TMEM108: variants seen among roughly 807,000 people sequenced by gnomAD.
TMEM108 encodes the protein transmembrane protein 108, also known as cancer/testis antigen 124.
Under a neutral mutation model 35.1 loss-of-function variants are expected in TMEM108, and 12 were observed. The ratio of observed to expected loss-of-function variants is 0.34; its 90% CI spans 0.22 to 0.55. TMEM108 has a LOEUF of 0.55. Ranked by LOEUF, TMEM108 falls within the 20% of genes least tolerant of loss-of-function variation. TMEM108 has a pLI of 0.89. For missense variants in TMEM108, 680 were observed against 753.3 expected, an observed-to-expected ratio of 0.90 and a Z score of 1.14; for synonymous variants, 287 against 308.6, an observed-to-expected ratio of 0.93 and a Z score of 0.73.
At chr3:133,185,784 C>CTT (rs11309146) in intron 2 of TMEM108, among the ~76,000 whole-genome samples, 2 of 127,092 alleles carry the variant, frequency 1.6e-5, no homozygotes, top group African/African-American at 2.9e-5. Context: ...CTTTTCTTTT[C>CTT]TTTTTTTTTT....
intron 3 of TMEM108, among the ~76,000 whole-genome samples, chr3:133,302,721 G>T (rs1434592588): frequency 6.6e-6 from 1 of 151,976 alleles, no homozygotes; most frequent in African/African-American, 2.4e-5. Flanking sequence ...CCCCCGGCCA[G>T]TATCTCTTGA....
At chr3:133,233,025 CGT>C (rs549172711) in intron 3 of TMEM108, among the ~76,000 whole-genome samples, 2,145 of 124,422 alleles carry the variant, frequency 0.017, 61 homozygotes, top group African/African-American at 0.058. Context: ...TTACCACTTT[CGT>C]TTTTTTTTTT....
chr3:133,223,595 A>G (rs557574252), intron 2 of TMEM108, among the ~76,000 whole-genome samples: 3 of 152,264 alleles, frequency 2.0e-5, no homozygotes, highest in Non-Finnish European at 2.9e-5. Context: ...TTTCTATTAT[A>G]TGGTTGAAAG....
At chr3:133,196,605 A>T (rs983562660) in intron 2 of TMEM108, among the ~76,000 whole-genome samples, 1 of 152,218 alleles carries the variant, frequency 6.6e-6, no homozygotes, top group South Asian at 2.1e-4. Flanking sequence ...AATGCAGTGC[A>T]TCAGGTAGGG....
chr3:133,291,100 G>A (rs1027919992), intron 3 of TMEM108, among the ~76,000 whole-genome samples: 8 of 152,164 alleles, frequency 5.3e-5, no homozygotes, highest in Non-Finnish European at 8.8e-5. Context: ...ATCAAGCCAT[G>A]TATAACATAC....
intron 3 of TMEM108, among the ~76,000 whole-genome samples, chr3:133,272,272 C>CGTGTGT (rs3078833): frequency 0.2 from 28,203 of 137,576 alleles, 2,883 homozygotes; most frequent in Middle Eastern, 0.27. Context: ...CATACACGTA[C>CGTGTGT]GTGTGTGTGT....
chr3:133,121,198 C>G (rs960382375), intron 2 of TMEM108, among the ~76,000 whole-genome samples: 1 of 152,166 alleles, frequency 6.6e-6, no homozygotes, highest in Non-Finnish European at 1.5e-5. Context: ...GCCAGTAGAT[C>G]TGTACTAAAG....
At chr3:133,239,950 G>A (rs1355235611) in intron 3 of TMEM108, among the ~76,000 whole-genome samples, 1 of 152,198 alleles carries the variant, frequency 6.6e-6, no homozygotes, top group Non-Finnish European at 1.5e-5. Flanking sequence ...TCTTCAGGAT[G>A]TACTGGAAGT....
At chr3:133,234,838 A>T (rs1316896148) in intron 3 of TMEM108, among the ~76,000 whole-genome samples, 3 of 152,208 alleles carry the variant, frequency 2.0e-5, no homozygotes, top group Non-Finnish European at 2.9e-5. Context: ...ACATGATTGT[A>T]TATCTAGAAA....
At chr3:133,350,390 A>C (rs968141216) in intron 3 of TMEM108, among the ~76,000 whole-genome samples, 2 of 152,122 alleles carry the variant, frequency 1.3e-5, no homozygotes, top group African/African-American at 4.8e-5. Context: ...GGTTAATAGT[A>C]AAACATTGTG....
In TMEM108 at chr3:133,381,180, C is replaced by CACCCATCCTCTCCCTCT. The variant is rs2073002675; in HGVS notation, c.1450+23_1450+39dup. On this transcript the variant is annotated intron_variant, in intron 4 of 5. Transcript: ENST00000321871. The stretch of plus-strand genomic sequence containing the variant: ...TCCTGCTGTAAGTGCCGCCCTCTCC[C>CACCCATCCTCTCCCTCT]ACCCATCCTCTCCCTCTACCACATC... 1.3e-6 allele frequency: 2 copies of CACCCATCCTCTCCCTCT among 1,570,066 alleles called. No homozygotes were observed. The highest frequency in any genetic ancestry group is 2.7e-5 in the African/African-American group (2 of 73,960).
intron 3 of TMEM108, among the ~76,000 whole-genome samples, chr3:133,287,301 A>C (rs892007963): frequency 2.0e-5 from 3 of 152,220 alleles, no homozygotes; most frequent in African/African-American, 7.2e-5. Context: ...GAGTATATCT[A>C]TGGGTATGAG....
chr3:133,069,980 C>G (rs1459515713), intron 2 of TMEM108, among the ~76,000 whole-genome samples: 1 of 152,154 alleles, frequency 6.6e-6, no homozygotes. Flanking sequence ...ATCTTCCTAT[C>G]AGAGCCCACT....
In TMEM108 at chr3:133,302,391, CT is replaced by C. The variant is rs1382522748; in HGVS notation, c.40+73042del. Among the ~76,000 whole-genome samples the C allele has an allele frequency of 6.2e-5, 9 of 144,504 alleles. No homozygotes were observed. The East Asian group carries it at 1.9e-3, about 30-fold the overall frequency. 94.8% of individuals were successfully genotyped at this position (144,504 alleles called of 152,430 possible). A position where few individuals can be genotyped will look rare whatever the true frequency, so the allele number is the denominator to read the frequency against. ...TAAAAATGTAAAATTTCAAATATCTCTTGAATTTTCTTTTTCTTTCTTTCTT... is the reference window on the plus strand; with the variant it reads ...TAAAAATGTAAAATTTCAAATATCTCTGAATTTTCTTTTTCTTTCTTTCTT... On this transcript the variant is annotated intron_variant, in intron 3 of 5. Coordinates refer to ENST00000321871, the MANE Select transcript of TMEM108 (RefSeq NM_023943.4).
chr3:133,187,478 G>A (rs1428270079), intron 2 of TMEM108, among the ~76,000 whole-genome samples: 1 of 152,186 alleles, frequency 6.6e-6, no homozygotes, highest in African/African-American at 2.4e-5. Context: ...GGCCGGGCAT[G>A]GTGGCTCACG....
intron 2 of TMEM108, among the ~76,000 whole-genome samples, chr3:133,133,200 A>T (rs1944514509): frequency 6.6e-6 from 1 of 152,210 alleles, no homozygotes; most frequent in Admixed American, 6.5e-5. Flanking sequence ...TCCAATTTTG[A>T]AAGAAGTTCT....
At chr3:133,209,605 A>T (rs938947611) in intron 2 of TMEM108, among the ~76,000 whole-genome samples, 1 of 152,042 alleles carries the variant, frequency 6.6e-6, no homozygotes, top group Non-Finnish European at 1.5e-5. Flanking sequence ...TGCTGTGTAT[A>T]CTGCATCTTC....
intron 3 of TMEM108, among the ~76,000 whole-genome samples, chr3:133,285,866 G>A (rs1946977256): frequency 6.6e-6 from 1 of 152,082 alleles, no homozygotes; most frequent in African/African-American, 2.4e-5. Flanking sequence ...ATCTTGTTTT[G>A]CAGTCCAGTC....
chr3:133,363,025 G>C (rs979168634), intron 3 of TMEM108, among the ~76,000 whole-genome samples: 1 of 152,170 alleles, frequency 6.6e-6, no homozygotes, highest in Non-Finnish European at 1.5e-5. Context: ...GAATGGGATG[G>C]AGATGTGCTG....
Sources: gnomAD v4.1 joint callset for allele counts (sites outside exome capture counted in the v4.1 genomes callset) on GRCh38, gnomAD v4.1.1 for gene constraint, MANE v1.5 for transcripts, NCBI Gene and HGNC (gene_info 2026-07-23, HGNC 2026-07-21) for gene names.